Variants in FAM110B observed in about 807,000 individuals in gnomAD.
FAM110B encodes the protein family with sequence similarity 110 member B.
A neutral mutation model predicts 20.4 loss-of-function variants in FAM110B; 6 were observed. The observed-to-expected ratio is 0.29, with a 90% CI of 0.16 to 0.58. The LOEUF (loss-of-function observed/expected upper bound fraction) is 0.58, where lower values mean the gene tolerates loss of function less well. FAM110B is among the 20% of genes least tolerant of loss of function. The pLI, the probability that FAM110B is intolerant of heterozygous loss-of-function variation, is 0.90. For synonymous variants in FAM110B, 226 were observed against 214.1 expected, an observed-to-expected ratio of 1.06 and a Z score of -0.49; for missense variants, 434 against 498.2, an observed-to-expected ratio of 0.87 and a Z score of 1.23.
chr8:58,105,286 G>A (rs1263524281), intron 3 of FAM110B, among the ~76,000 whole-genome samples: 2 of 152,108 alleles, frequency 1.3e-5, no homozygotes, highest in Admixed American at 1.3e-4. Flanking sequence ...ATTAACTCCT[G>A]GAAACCTCAG....
intron 2 of FAM110B, among the ~76,000 whole-genome samples, chr8:58,042,957 C>T (rs550172269): frequency 2.6e-5 from 4 of 152,334 alleles, no homozygotes; most frequent in South Asian, 2.1e-4. Flanking sequence ...ACTTCCTTCT[C>T]TCTCATAGCA....
At chr8:58,019,065 G>T (rs967094365) in intron 1 of FAM110B, among the ~76,000 whole-genome samples, 1 of 152,014 alleles carries the variant, frequency 6.6e-6, no homozygotes, top group South Asian at 2.1e-4. Context: ...GGCCAGGCGC[G>T]GTGGCTCACG....
chr8:58,143,076 G>A (rs1803777301), intron 3 of FAM110B, among the ~76,000 whole-genome samples: 1 of 152,216 alleles, frequency 6.6e-6, no homozygotes, highest in African/African-American at 2.4e-5. Context: ...CTCCAGCACT[G>A]TATAGCTCTG....
intron 2 of FAM110B, among the ~76,000 whole-genome samples, chr8:58,050,422 A>G (rs1280830413): frequency 6.6e-6 from 1 of 152,110 alleles, no homozygotes; most frequent in African/African-American, 2.4e-5. Flanking sequence ...GTTCTCTGTC[A>G]GGGTCTCCAG....
At chr8:58,005,978 C>G (rs775455973) in intron 1 of FAM110B, among the ~76,000 whole-genome samples, 2 of 152,014 alleles carry the variant, frequency 1.3e-5, no homozygotes, top group African/African-American at 2.4e-5. Flanking sequence ...GGCTCTTTAT[C>G]ATTTTTTTTT....
intron 3 of FAM110B, among the ~76,000 whole-genome samples, chr8:58,125,025 C>G (rs1266159616): frequency 6.6e-6 from 1 of 152,070 alleles, no homozygotes; most frequent in Non-Finnish European, 1.5e-5. Context: ...TAGAATTGTT[C>G]TGCTTAGATT....
intron 2 of FAM110B, among the ~76,000 whole-genome samples, chr8:58,034,194 T>C (rs1805029578): frequency 6.6e-6 from 1 of 152,158 alleles, no homozygotes; most frequent in South Asian, 2.1e-4. Flanking sequence ...CCAAGGCTTG[T>C]TATCCTGGAA....
chr8:58,086,855 T>C (rs979239166), intron 3 of FAM110B, among the ~76,000 whole-genome samples: 2 of 152,264 alleles, frequency 1.3e-5, no homozygotes, highest in African/African-American at 2.4e-5. Context: ...GACTGACTTA[T>C]GTGATATTGC....
At chr8:58,096,467 C>T (rs1212773073) in intron 3 of FAM110B, among the ~76,000 whole-genome samples, 2 of 152,098 alleles carry the variant, frequency 1.3e-5, no homozygotes, top group Admixed American at 6.6e-5. Flanking sequence ...TGAGCCACCG[C>T]GACCAGCCGG....
intron 3 of FAM110B, among the ~76,000 whole-genome samples, chr8:58,132,834 G>A (rs1471372600): frequency 3.9e-5 from 6 of 152,132 alleles, no homozygotes; most frequent in Non-Finnish European, 5.9e-5. Flanking sequence ...TAAAACGTAG[G>A]AGAAAACTTC....
intron 3 of FAM110B, among the ~76,000 whole-genome samples, chr8:58,116,812 G>A (rs902707139): frequency 1.3e-5 from 2 of 152,132 alleles, no homozygotes; most frequent in Non-Finnish European, 2.9e-5. Context: ...TACCTTATTT[G>A]TTTTGTCCAG....
At chr8:58,036,150 C>G (rs1489695874) in intron 2 of FAM110B, among the ~76,000 whole-genome samples, 1 of 152,192 alleles carries the variant, frequency 6.6e-6, no homozygotes, top group Non-Finnish European at 1.5e-5. Context: ...TGCCACGTCT[C>G]TCATGCTGAC....
intron 2 of FAM110B, among the ~76,000 whole-genome samples, chr8:58,039,700 G>A (rs1484785630): frequency 6.6e-6 from 1 of 152,194 alleles, no homozygotes; most frequent in East Asian, 1.9e-4. Context: ...GTCACATAGA[G>A]TAAGGTTAGT....
At chr8:58,049,905 A>G (rs1805405556) in intron 2 of FAM110B, among the ~76,000 whole-genome samples, 1 of 152,234 alleles carries the variant, frequency 6.6e-6, no homozygotes, top group Non-Finnish European at 1.5e-5. Context: ...TTCAGTAAGC[A>G]TTTACAAAGG....
intron 3 of FAM110B, chr8:58,113,077 A>AT (rs906418721): frequency 1.2e-4 from 16 of 138,918 alleles, no homozygotes; most frequent in African/African-American, 4.5e-4. Flanking sequence ...CAAGGGCACC[A>AT]TTCCCATTCA....
intron 3 of FAM110B, among the ~76,000 whole-genome samples, chr8:58,112,044 G>A (rs1807070409): frequency 6.6e-6 from 1 of 152,074 alleles, no homozygotes; most frequent in Admixed American, 6.6e-5. Flanking sequence ...AGTACTTTTG[G>A]CTGGGCATTG....
At chr8:58,009,603 C>G (rs370963863) in intron 1 of FAM110B, among the ~76,000 whole-genome samples, 2 of 152,130 alleles carry the variant, frequency 1.3e-5, no homozygotes, top group African/African-American at 4.8e-5. Context: ...ATTAACTTCA[C>G]CTATTCTTTG....
At chr8:58,015,077 C>T (rs931760736) in intron 1 of FAM110B, among the ~76,000 whole-genome samples, 5 of 152,206 alleles carry the variant, frequency 3.3e-5, no homozygotes, top group South Asian at 2.1e-4. Flanking sequence ...ACGTTAAAGC[C>T]GGGTGCGATG....
chr8:58,064,290 T>C (rs1322308045), intron 2 of FAM110B, among the ~76,000 whole-genome samples: 2 of 152,196 alleles, frequency 1.3e-5, no homozygotes, highest in Non-Finnish European at 2.9e-5. Flanking sequence ...TTCTCTAATA[T>C]TTTTGTACAT....
Sources: allele counts gnomAD v4.1 joint callset (sites outside exome capture counted in the v4.1 genomes callset), GRCh38; gene constraint gnomAD v4.1.1; transcripts MANE v1.5; gene names NCBI Gene and HGNC (gene_info 2026-07-23, HGNC 2026-07-21).